WRN: variants seen among roughly 807,000 people sequenced by gnomAD.
The protein encoded by WRN is WRN RecQ like helicase, also known as bifunctional 3'-5' exonuclease/ATP-dependent helicase WRN.
In WRN, 149 loss-of-function variants were observed where a neutral mutation model predicts 180.7. The ratio of observed to expected loss-of-function variants is 0.82; its 90% confidence interval spans 0.72 to 0.94. WRN has a LOEUF of 0.94. Among genes scored for constraint, WRN ranks in the 40% least tolerant of loss-of-function variants. The pLI is 0.00. For missense variants in WRN, 1,661 were observed against 1,700.1 expected (o/e 0.98, Z 0.40); for synonymous variants, 548 against 568.9 (o/e 0.96, Z 0.52).
intron 33 of WRN, among the ~76,000 whole-genome samples, chr8:31,161,223 C>G (rs1197212963): frequency 6.6e-6 from 1 of 152,126 alleles, no homozygotes; most frequent in African/African-American, 2.4e-5. Context: ...ATTCAATTTC[C>G]TCATCTCTAA....
intron 17 of WRN, among the ~76,000 whole-genome samples, chr8:31,098,098 AATTAACATTTC>A (rs1213667005): frequency 6.6e-6 from 1 of 152,218 alleles, no homozygotes; most frequent in African/African-American, 2.4e-5. Context: ...TGAGGGCAGC[AATTAACATTTC>A]ATTAAATATA....
intron 24 of WRN, among the ~76,000 whole-genome samples, chr8:31,134,702 G>T (rs887884423): frequency 6.6e-6 from 1 of 152,170 alleles, no homozygotes; most frequent in African/African-American, 2.4e-5. Context: ...AAATCTTGTC[G>T]TGGCACTAGA....
intron 5 of WRN, 30 bp downstream of exon 5, chr8:31,065,093 A>T: frequency 6.2e-7 from 1 of 1,600,362 alleles, no homozygotes; most frequent in East Asian, 2.2e-5. Context: ...AATTTTCATG[A>T]TGAAGATTAT....
intron 23 of WRN, among the ~76,000 whole-genome samples, chr8:31,128,727 C>T (rs528558517): frequency 1.3e-5 from 2 of 152,162 alleles, no homozygotes; most frequent in East Asian, 1.9e-4. Flanking sequence ...GATGTGGTGG[C>T]GAGTGCCTGT....
At chr8:31,130,036 A>AAAAAAAAAAG (rs1585498296) in intron 23 of WRN, among the ~76,000 whole-genome samples, 1 of 149,586 alleles carries the variant, frequency 6.7e-6, no homozygotes, top group African/African-American at 2.5e-5. Context: ...AAAAAAAAAA[A>AAAAAAAAAAG]CTAGTAAGAG....
intron 9 of WRN, among the ~76,000 whole-genome samples, chr8:31,082,165 A>G (rs1020738457): frequency 1.1e-4 from 17 of 151,952 alleles, no homozygotes; most frequent in African/African-American, 3.6e-4. Flanking sequence ...TTTTTTCCTT[A>G]ATTTCTTCAT....
chr8:31,123,514 G>A (rs1250020412), intron 21 of WRN, among the ~76,000 whole-genome samples: 1 of 152,024 alleles, frequency 6.6e-6, no homozygotes, highest in Non-Finnish European at 1.5e-5. Flanking sequence ...GTGGGTGGTC[G>A]TTTCAGATGA....
In WRN at chr8:31,174,013, A is replaced by G. The variant is rs945540192; in HGVS notation, c.*911A>G. ...AAACAAATATATCTGTCATAGAAGA[A>G]CTAGAAAATCCAGGGAAGTGAGAAA... On this transcript the variant is annotated 3_prime_UTR_variant, in exon 35 of 35. Coordinates refer to ENST00000298139, the MANE Select transcript of WRN (RefSeq NM_000553.6). 6.6e-6 allele frequency among the ~76,000 whole-genome samples: 1 copy of G among 152,262 alleles called. No individual in the cohort carries two copies. Among genetic ancestry groups the G allele is most frequent in the African/African-American group, 2.4e-5 (1 of 41,474 alleles).
At chr8:31,121,158 C>T (rs569375379) in intron 21 of WRN, among the ~76,000 whole-genome samples, 166 of 151,938 alleles carry the variant, frequency 1.1e-3, no homozygotes, top group Non-Finnish European at 1.9e-3. Context: ...TTCCTTCATC[C>T]GTAGGAAAAA....
intron 1 of WRN, among the ~76,000 whole-genome samples, chr8:31,037,164 C>T (rs1333228296): frequency 1.3e-5 from 2 of 152,158 alleles, no homozygotes; most frequent in African/African-American, 2.4e-5. Context: ...AGGGTCCTAT[C>T]TGGGAGTGAT....
Position 31,090,831 on chromosome 8 carries a change from A to T in WRN, c.1721-3A>T, listed in dbSNP as rs753685410. On this transcript the variant is annotated splice_polypyrimidine_tract_variant and splice_region_variant and intron_variant, in intron 14 of 34. Transcript: ENST00000298139. Reference sequence around the variant, plus strand: ...TTTATTTTTATATTTTTTTCATTTCAAGGATATGGAAAGAGTTTGTGCTTC... The same window carrying T: ...TTTATTTTTATATTTTTTTCATTTCTAGGATATGGAAAGAGTTTGTGCTTC... 4.4e-6 allele frequency: 7 copies of T among 1,599,834 alleles called. No homozygotes were observed. The East Asian group carries it at 1.3e-4, about 31-fold the overall frequency.
chr8:31,111,562 T>C (rs1801315174), intron 18 of WRN, 53 bp from the exon 19 acceptor site: 2 of 1,585,652 alleles, frequency 1.3e-6, no homozygotes, highest in Admixed American at 1.7e-5. Context: ...TATAGACATG[T>C]TGGGAATGAA....
chr8:31,100,781 A>T, intron 17 of WRN, 68 bp from the exon 18 acceptor site: 2 of 1,270,892 alleles, frequency 1.6e-6, no homozygotes, highest in Non-Finnish European at 2.3e-6. Context: ...TCCTTTGGAG[A>T]TGTAGATGAG....
In WRN at chr8:31,068,274, A is replaced by T. The variant is rs1585413126; in HGVS notation, c.671A>T (p.Tyr224Phe). ...ATDAYAGFII[Y>F]RNLEILDDTV... Reference sequence around the variant, plus strand: ...TTTTTATAGGCTGGTTTTATTATTTACCGAAATTTAGAGATTTTGGATGAT... The same window carrying T: ...TTTTTATAGGCTGGTTTTATTATTTTCCGAAATTTAGAGATTTTGGATGAT... The change falls in exon 7 of 35, where the codon TAC becomes TTC. Residue 224 changes from tyrosine (Y) to phenylalanine (F), a missense_variant. This residue lies in a region of WRN where 500 missense variants were observed against 504.1 expected (regional missense o/e 0.99). Coordinates refer to ENST00000298139, the MANE Select transcript of WRN (RefSeq NM_000553.6). The T allele has an allele frequency of 1.2e-6, 2 of 1,607,458 alleles. No individual in the cohort carries two copies. The highest frequency in any genetic ancestry group is 1.7e-6 in the Non-Finnish European group (2 of 1,175,524).
intron 8 of WRN, among the ~76,000 whole-genome samples, chr8:31,077,858 A>G (rs1012484): frequency 0.047 from 7,179 of 152,254 alleles, 437 homozygotes; most frequent in East Asian, 0.26. Flanking sequence ...AAGAACAAAG[A>G]GAAGTTTGGA....
At chr8:31,163,674 A>G (rs1803725955) in intron 33 of WRN, among the ~76,000 whole-genome samples, 1 of 152,150 alleles carries the variant, frequency 6.6e-6, no homozygotes, top group Non-Finnish European at 1.5e-5. Context: ...TAAAGTAAGA[A>G]ATATTAAAAT....
intron 24 of WRN, 137 bp from the exon 25 acceptor site, chr8:31,141,293 A>G: frequency 9.8e-7 from 1 of 1,016,046 alleles, no homozygotes; most frequent in Admixed American, 2.2e-5. Context: ...AATGAGCACG[A>G]TGGGTATAAC....
At chr8:31,121,490 T>G (rs1255956353) in intron 21 of WRN, among the ~76,000 whole-genome samples, 3 of 152,036 alleles carry the variant, frequency 2.0e-5, no homozygotes, top group Non-Finnish European at 4.4e-5. Flanking sequence ...CACATAACTA[T>G]GGATACATAG....
intron 11 of WRN, 35 bp from the exon 12 acceptor site, chr8:31,087,741 T>C (rs1813587917): frequency 3.8e-6 from 6 of 1,595,902 alleles, no homozygotes; most frequent in Non-Finnish European, 5.2e-6. Flanking sequence ...ACACTGTCAG[T>C]GGTTTTGCTT....
Sources: allele counts gnomAD v4.1 joint callset (sites outside exome capture counted in the v4.1 genomes callset), GRCh38; gene constraint gnomAD v4.1.1; regional missense constraint gnomAD v4.1.1; transcripts MANE v1.5; gene names NCBI Gene and HGNC (gene_info 2026-07-23, HGNC 2026-07-21).